RPTOR: variants seen among roughly 807,000 people sequenced by gnomAD.
The protein encoded by RPTOR is regulatory associated protein of MTOR complex 1.
RPTOR carries 21 observed loss-of-function variants against 169.9 expected under a neutral mutation model. That is an observed-to-expected ratio of 0.12 (90% confidence interval 0.09 to 0.18). The LOEUF is 0.18. Among genes scored for constraint, RPTOR ranks in the 10% least tolerant of loss-of-function variants. The probability of loss-of-function intolerance (pLI) is 1.00; values close to 1 mark genes in which losing one functional copy is unlikely to be tolerated. For missense variants in RPTOR, 1,133 were observed against 1,855.9 expected, an observed-to-expected ratio of 0.61 and a Z score of 7.16; for synonymous variants, 732 against 753.2, an observed-to-expected ratio of 0.97 and a Z score of 0.46.
At chr17:80,655,383 T>G (rs547291466) in intron 3 of RPTOR, among the ~76,000 whole-genome samples, 1 of 151,628 alleles carries the variant, frequency 6.6e-6, no homozygotes, top group South Asian at 2.1e-4. Flanking sequence ...ATATTTTTTG[T>G]TTTTTTTAAA....
intron 7 of RPTOR, among the ~76,000 whole-genome samples, chr17:80,797,946 A>G (rs981118815): frequency 2.6e-5 from 4 of 152,298 alleles, no homozygotes; most frequent in Admixed American, 6.5e-5. Flanking sequence ...CAGTTGAGAG[A>G]CAAACAGATC....
rs139887261 is a variant in RPTOR at position 80,883,050 on chromosome 17, G to T, written c.1585-369G>T. On this transcript the variant is annotated intron_variant, in intron 14 of 33. Coordinates refer to ENST00000306801, the MANE Select transcript of RPTOR (RefSeq NM_020761.3). Reference sequence around the variant, plus strand: ...CATGCCTTTTGCTGCCAAAGCCCCTGATTGCAGGACCGTGTGCTCACAGAG... The same window carrying T: ...CATGCCTTTTGCTGCCAAAGCCCCTTATTGCAGGACCGTGTGCTCACAGAG... Among the ~76,000 whole-genome samples, 5 of 152,232 alleles carry T rather than the reference G, an allele frequency of 3.3e-5. No individual in the cohort carries two copies. In the East Asian group the frequency reaches 9.6e-4, roughly 29 times the overall value.
At chr17:80,907,268 G>T (rs907744347) in intron 20 of RPTOR, among the ~76,000 whole-genome samples, 1 of 152,272 alleles carries the variant, frequency 6.6e-6, no homozygotes, top group South Asian at 2.1e-4. Context: ...TCAGCAAATT[G>T]TCTAGCTTCC....
chr17:80,747,420 GGGCATGTCTTCTTGTCTATACATCAAC>G (rs1226818151), intron 5 of RPTOR, among the ~76,000 whole-genome samples: 4 of 152,200 alleles, frequency 2.6e-5, no homozygotes, highest in Admixed American at 1.3e-4. Context: ...TGCAGCCAGA[GGGCATGTCTTCTTGTCTATACATCAAC>G]GTACTTTGGG....
chr17:80,554,831 G>C (rs1299378469), intron 1 of RPTOR, among the ~76,000 whole-genome samples: 2 of 152,048 alleles, frequency 1.3e-5, no homozygotes, highest in East Asian at 3.9e-4. Flanking sequence ...GGATATTAAA[G>C]AGATTTGCAA....
intron 20 of RPTOR, among the ~76,000 whole-genome samples, chr17:80,895,696 C>T (rs1355078882): frequency 6.6e-6 from 1 of 152,228 alleles, no homozygotes; most frequent in East Asian, 1.9e-4. Context: ...GATGTCGCCC[C>T]AGGCCTTCCA....
chr17:80,961,490 G>A lies in RPTOR; in HGVS notation c.3692+10G>A, dbSNP rs541170659. The A allele has an allele frequency of 4.1e-5, 64 of 1,547,962 alleles. 1 individual carries two copies. The African/African-American group carries it at 4.9e-4, about 12-fold the overall frequency. On this transcript the variant is annotated intron_variant, in intron 31 of 33. Coordinates refer to ENST00000306801, the MANE Select transcript of RPTOR (RefSeq NM_020761.3). ...ACATCGTGAGTGTGAGGTGAGGAGC[G>A]CCGATATTTAGCAGCCGTTCTGCTG...
rs75898489 is a variant in RPTOR, at chr17:80,547,599, A to C, written c.162+1808A>C. ...TATCTGTTTTTCGGTGGAGAAAATCAGCAGCTAACATCTTCAGTTGAGTGT... is the reference window on the plus strand; with the variant it reads ...TATCTGTTTTTCGGTGGAGAAAATCCGCAGCTAACATCTTCAGTTGAGTGT... On this transcript the variant is annotated intron_variant, in intron 1 of 33. Coordinates refer to ENST00000306801, the MANE Select transcript of RPTOR (RefSeq NM_020761.3). Among the ~76,000 whole-genome samples, 1,219 of 152,300 alleles carry C rather than the reference A, an allele frequency of 8.0e-3. 23 individuals are homozygous for C. The highest frequency in any genetic ancestry group is 0.028 in the African/African-American group (1,156 of 41,564).
chr17:80,786,035 G>A (rs1008893911), intron 6 of RPTOR, among the ~76,000 whole-genome samples: 2 of 152,078 alleles, frequency 1.3e-5, no homozygotes, highest in Admixed American at 6.5e-5. Flanking sequence ...GTGGTGTCCC[G>A]GAACCAGTCC....
chr17:80,904,430 G>T (rs2068515651), intron 20 of RPTOR, among the ~76,000 whole-genome samples: 1 of 152,178 alleles, frequency 6.6e-6, no homozygotes, highest in Admixed American at 6.5e-5. Context: ...CCGACAGCCG[G>T]GGAGCTTCTG....
chr17:80,586,584 G>T (rs2065062273), intron 1 of RPTOR, among the ~76,000 whole-genome samples: 1 of 152,198 alleles, frequency 6.6e-6, no homozygotes, highest in Non-Finnish European at 1.5e-5. Flanking sequence ...GGCTGGGCAG[G>T]GTCCGGGCAT....
At chr17:80,962,048 G>T (rs558502569) in intron 31 of RPTOR, among the ~76,000 whole-genome samples, 3 of 152,144 alleles carry the variant, frequency 2.0e-5, no homozygotes, top group Non-Finnish European at 2.9e-5. Context: ...GCCTCAAAAG[G>T]GCCAGGCCAT....
chr17:80,637,642 CG>C (rs1478934813), intron 2 of RPTOR, among the ~76,000 whole-genome samples: 5 of 152,182 alleles, frequency 3.3e-5, no homozygotes, highest in Non-Finnish European at 7.3e-5. Flanking sequence ...CAGCAGAGTG[CG>C]GATGAGCTGC....
At chr17:80,694,271 T>C (rs1255397146) in intron 3 of RPTOR, among the ~76,000 whole-genome samples, 1 of 152,192 alleles carries the variant, frequency 6.6e-6, no homozygotes, top group Non-Finnish European at 1.5e-5. Context: ...GGTGACCTCT[T>C]CAAGCCTGGT....
Position 80,891,203 on chromosome 17 carries a change from G to A in RPTOR, c.1984-517G>A, listed in dbSNP as rs559713158. Among the ~76,000 whole-genome samples, 22 of 152,316 alleles carry A rather than the reference G, an allele frequency of 1.4e-4. 1 individual carries two copies. The South Asian group carries it at 3.5e-3, about 24-fold the overall frequency. Reference sequence around the variant, plus strand: ...ATGTTTTAGTTCTACAACTTTTCCCGTTCCCTCTTAGGGACTAGAAACATC... The same window carrying A: ...ATGTTTTAGTTCTACAACTTTTCCCATTCCCTCTTAGGGACTAGAAACATC... On this transcript the variant is annotated intron_variant, in intron 17 of 33. Coordinates refer to ENST00000306801, the MANE Select transcript of RPTOR (RefSeq NM_020761.3).
At chr17:80,829,283 G>A (rs1031107045) in intron 9 of RPTOR, among the ~76,000 whole-genome samples, 7 of 152,178 alleles carry the variant, frequency 4.6e-5, no homozygotes, top group Non-Finnish European at 1.0e-4. Context: ...CAGGCGTGGG[G>A]GCTTTCAGAC....
intron 12 of RPTOR, among the ~76,000 whole-genome samples, chr17:80,855,939 G>A (rs2067847648): frequency 6.6e-6 from 1 of 152,306 alleles, no homozygotes; most frequent in African/African-American, 2.4e-5. Flanking sequence ...TGGATCCTCA[G>A]CACTGTCTGC....
At chr17:80,602,604 T>C (rs2065198248) in intron 1 of RPTOR, 1 of 633,326 alleles carries the variant, frequency 1.6e-6, no homozygotes, top group Admixed American at 1.8e-5. Flanking sequence ...AACAGGTACA[T>C]AGGTAACCAA....
intron 3 of RPTOR, among the ~76,000 whole-genome samples, chr17:80,653,483 A>G (rs1401454135): frequency 6.6e-6 from 1 of 152,032 alleles, no homozygotes; most frequent in Non-Finnish European, 1.5e-5. Flanking sequence ...TTTTGTTAGG[A>G]GTCTTTTGGT....
Sources: gnomAD v4.1 joint callset for allele counts (sites outside exome capture counted in the v4.1 genomes callset) on GRCh38, gnomAD v4.1.1 for gene constraint, MANE v1.5 for transcripts, NCBI Gene and HGNC (gene_info 2026-07-23, HGNC 2026-07-21) for gene names.